Variants in CHST11 observed in about 807,000 individuals in gnomAD.
The protein encoded by CHST11 is carbohydrate sulfotransferase 11.
A neutral mutation model predicts 30.4 loss-of-function variants in CHST11; 9 were observed. That is an observed-to-expected ratio of 0.30 (90% CI 0.18 to 0.52). CHST11 has a LOEUF of 0.52. CHST11 is among the 20% of genes least tolerant of loss of function. The pLI, the probability that CHST11 is intolerant of heterozygous loss-of-function variation, is 0.97. For synonymous variants in CHST11, 152 were observed against 187.8 expected (o/e 0.81, Z 1.56); for missense variants, 348 against 460.6 (o/e 0.76, Z 2.24).
chr12:104,719,720 A>T (rs1307093260), intron 2 of CHST11, among the ~76,000 whole-genome samples: 2 of 152,096 alleles, frequency 1.3e-5, no homozygotes, highest in African/African-American at 4.8e-5. Context: ...CAGAATGAGG[A>T]GTTGGGGCAT....
At chr12:104,544,134 A>G (rs374259103) in intron 1 of CHST11, among the ~76,000 whole-genome samples, 915 of 22,122 alleles carry the variant, frequency 0.041, 30 homozygotes, top group African/African-American at 0.1. Context: ...TTAAAAAAAA[A>G]AAAAAAAGAA....
At chr12:104,627,293 T>C (rs575187508) in intron 2 of CHST11, among the ~76,000 whole-genome samples, 1 of 152,344 alleles carries the variant, frequency 6.6e-6, no homozygotes, top group South Asian at 2.1e-4. Flanking sequence ...ATAAAGCTGC[T>C]CTAAACATCC....
At position 104,578,066 on chromosome 12, in the gene CHST11, G is replaced by C. The variant is rs183642532; in HGVS notation, c.119-23840G>C. On this transcript the variant is annotated intron_variant, in intron 1 of 2. Coordinates refer to ENST00000303694, the MANE Select transcript of CHST11 (RefSeq NM_018413.6). ...AATTTTGGTGAACTTCACAGCGGTA[G>C]AAGGGAGTGGACTGGGAGGTGCAGA... Among the ~76,000 whole-genome samples the C allele has an allele frequency of 1.7e-3, 252 of 152,326 alleles. 1 individual carries two copies. The highest frequency in any genetic ancestry group is 5.6e-3 in the African/African-American group (231 of 41,574).
At chr12:104,709,656 A>G (rs1206564110) in intron 2 of CHST11, among the ~76,000 whole-genome samples, 4 of 152,166 alleles carry the variant, frequency 2.6e-5, no homozygotes, top group Non-Finnish European at 5.9e-5. Context: ...TTCTTTCATT[A>G]AGAAGCCCGT....
chr12:104,577,156 G>A (rs2665741), intron 1 of CHST11, among the ~76,000 whole-genome samples: 41,661 of 150,956 alleles, frequency 0.28, 5,944 homozygotes, highest in Middle Eastern at 0.38. Flanking sequence ...CTTTGGGGAC[G>A]TGCTGGAAAT....
chr12:104,514,117 T>G, intron 1 of CHST11: 2 of 1,221,476 alleles, frequency 1.6e-6, no homozygotes, highest in Non-Finnish European at 1.2e-6. Context: ...GCCTCCTTCT[T>G]GAATAGCCCA....
chr12:104,737,575 C>G lies in CHST11; in HGVS notation c.205-19374C>G, dbSNP rs1165372195. Among the ~76,000 whole-genome samples the G allele has an allele frequency of 3.9e-5, 6 of 152,288 alleles. No homozygotes were observed. The East Asian group carries it at 1.2e-3, about 29-fold the overall frequency. On this transcript the variant is annotated intron_variant, in intron 2 of 2. Coordinates refer to ENST00000303694, the MANE Select transcript of CHST11 (RefSeq NM_018413.6). ...GGTCATAGATTAGTTAGTGAATGATCAGTTGATCTAGAGCCTTCTAGATCT... is the reference window on the plus strand; with the variant it reads ...GGTCATAGATTAGTTAGTGAATGATGAGTTGATCTAGAGCCTTCTAGATCT...
chr12:104,674,191 G>T (rs2039720387), intron 2 of CHST11, among the ~76,000 whole-genome samples: 1 of 152,020 alleles, frequency 6.6e-6, no homozygotes, highest in Non-Finnish European at 1.5e-5. Context: ...GCTAGTAAAA[G>T]ATTTCCAGGT....
intron 1 of CHST11, among the ~76,000 whole-genome samples, chr12:104,507,891 G>A (rs2037922245): frequency 6.6e-6 from 1 of 152,160 alleles, no homozygotes; most frequent in African/African-American, 2.4e-5. Flanking sequence ...ACATGGCCGA[G>A]CCCAGCATCA....
chr12:104,457,493 C>G lies in CHST11; in HGVS notation c.82C>G (p.Leu28Val). Residue 28 changes from leucine (L) to valine (V), a missense_variant, in exon 1 of 3, where the codon CTG (leucine) becomes GTG (valine). Physicochemically the swap from Leu to Val is conservative, Grantham distance 32. This residue lies in a region of CHST11 where 135 missense variants were observed against 155.8 expected (regional missense o/e 0.87). Coordinates refer to ENST00000303694, the MANE Select transcript of CHST11 (RefSeq NM_018413.6). ...GGCCACTTGCTTGGGATCCTTTATC[C>G]TGGTCATCTTCTATTTCCAAAGTAT... Reference protein sequence around the residue: ...VLATCLGSFILVIFYFQSMLH... With the variant: ...VLATCLGSFIVVIFYFQSMLH... 1 of 1,614,058 alleles carries G rather than the reference C, an allele frequency of 6.2e-7. No individual in the cohort carries two copies. Among genetic ancestry groups the G allele is most frequent in the Non-Finnish European group, 8.5e-7 (1 of 1,179,844 alleles).
intron 1 of CHST11, among the ~76,000 whole-genome samples, chr12:104,481,939 G>A (rs1166736423): frequency 3.7e-4 from 56 of 150,226 alleles, no homozygotes; most frequent in African/African-American, 1.3e-3. Flanking sequence ...CCATGTTCAA[G>A]CAATTCTCCT....
At chr12:104,635,496 G>T (rs552599702) in intron 2 of CHST11, among the ~76,000 whole-genome samples, 1 of 152,304 alleles carries the variant, frequency 6.6e-6, no homozygotes, top group African/African-American at 2.4e-5. Flanking sequence ...GAATTCAGGA[G>T]CCAAACAGCC....
chr12:104,758,014 T>C lies in CHST11; in HGVS notation c.*211T>C. ...GATGGGTCGTCCTTGTCTGTAGAAG[T>C]GAATACTGCAACACTGTCTCAAAGG... is the stretch of plus-strand genomic sequence containing the variant. On this transcript the variant is annotated 3_prime_UTR_variant, in exon 3 of 3. Transcript: ENST00000303694. 1 of 565,720 alleles carries C rather than the reference T, an allele frequency of 1.8e-6. No individual in the cohort carries two copies. Among genetic ancestry groups the C allele is most frequent in the Non-Finnish European group, 3.1e-6 (1 of 323,046 alleles). 35.0% of individuals were successfully genotyped at this position (565,720 alleles called of 1,614,324 possible). A position where few individuals can be genotyped will look rare whatever the true frequency, so the allele number is the denominator to read the frequency against.
At chr12:104,577,528 T>G (rs1272652382) in intron 1 of CHST11, among the ~76,000 whole-genome samples, 1 of 152,130 alleles carries the variant, frequency 6.6e-6, no homozygotes, top group Non-Finnish European at 1.5e-5. Flanking sequence ...CTCTGTACTT[T>G]CTTAGGCAAC....
intron 2 of CHST11, among the ~76,000 whole-genome samples, chr12:104,613,732 A>T (rs760894925): frequency 4.6e-5 from 7 of 152,216 alleles, no homozygotes; most frequent in Non-Finnish European, 7.3e-5. Flanking sequence ...ACTCAGTCTC[A>T]GGTAGTTCTT....
intron 2 of CHST11, among the ~76,000 whole-genome samples, chr12:104,735,819 G>A (rs925798758): frequency 9.9e-5 from 15 of 152,188 alleles, no homozygotes; most frequent in African/African-American, 2.9e-4. Context: ...GTGGGGACTC[G>A]TCATGGGTTT....
At chr12:104,611,511 T>C (rs980868377) in intron 2 of CHST11, among the ~76,000 whole-genome samples, 1 of 152,238 alleles carries the variant, frequency 6.6e-6, no homozygotes, top group African/African-American at 2.4e-5. Flanking sequence ...CTTATTCATC[T>C]TGGGGTGTCC....
intron 2 of CHST11, among the ~76,000 whole-genome samples, chr12:104,750,452 T>TTTTTTGTTTTTG (rs1566064718): frequency 8.8e-6 from 1 of 113,522 alleles, no homozygotes; most frequent in African/African-American, 3.6e-5. Context: ...TTTTTTTTTT[T>TTTTTTGTTTTTG]TTTTGTTGAG....
At chr12:104,660,792 C>T (rs989825372) in intron 2 of CHST11, among the ~76,000 whole-genome samples, 1 of 152,218 alleles carries the variant, frequency 6.6e-6, no homozygotes, top group African/African-American at 2.4e-5. Context: ...TCTAGCTCCA[C>T]CTGCAATCTT....
Sources: gnomAD v4.1 joint callset for allele counts (sites outside exome capture counted in the v4.1 genomes callset) on GRCh38, gnomAD v4.1.1 for gene constraint, gnomAD v4.1.1 regional missense constraint, MANE v1.5 for transcripts, NCBI Gene and HGNC (gene_info 2026-07-23, HGNC 2026-07-21) for gene names.